DTNA: variants seen among roughly 807,000 people sequenced by gnomAD.
DTNA encodes dystrobrevin alpha.
DTNA carries 43 observed loss-of-function variants against 100.7 expected under a neutral mutation model. The observed-to-expected ratio is 0.43, with a 90% CI of 0.33 to 0.55. The LOEUF is 0.55. DTNA is among the 20% of genes least tolerant of loss of function. The probability of loss-of-function intolerance (pLI) is 0.04; values close to 1 mark genes in which losing one functional copy is unlikely to be tolerated. For synonymous variants in DTNA, 349 were observed against 347.9 expected (o/e 1.00, Z -0.04); for missense variants, 798 against 953.9 (o/e 0.84, Z 2.15).
intron 1 of DTNA, among the ~76,000 whole-genome samples, chr18:34,514,990 T>C (rs1172966718): frequency 6.6e-6 from 1 of 151,998 alleles, no homozygotes; most frequent in Non-Finnish European, 1.5e-5. Context: ...AGTGTGGGTG[T>C]TGGGAGGGTA....
intron 1 of DTNA, among the ~76,000 whole-genome samples, chr18:34,736,269 G>A (rs1006573793): frequency 7.9e-5 from 12 of 152,218 alleles, no homozygotes; most frequent in South Asian, 4.1e-4. Context: ...ATATGTATGC[G>A]TGCACTATTT....
chr18:34,772,690 C>T (rs1357634003), intron 3 of DTNA, among the ~76,000 whole-genome samples: 2 of 152,156 alleles, frequency 1.3e-5, no homozygotes, highest in Non-Finnish European at 2.9e-5. Flanking sequence ...TTTTTAGCTG[C>T]CACTATGAAT....
chr18:34,792,075 G>A (rs1011441487), intron 3 of DTNA, among the ~76,000 whole-genome samples: 3 of 133,540 alleles, frequency 2.2e-5, no homozygotes, highest in Non-Finnish European at 4.7e-5. Context: ...ACACAGTAAC[G>A]GTTCTATGTA....
At chr18:34,614,204 A>G (rs768724186) in intron 1 of DTNA, among the ~76,000 whole-genome samples, 1 of 152,190 alleles carries the variant, frequency 6.6e-6, no homozygotes, top group Non-Finnish European at 1.5e-5. Context: ...TAAGCCCACT[A>G]TTGAGACTTA....
intron 1 of DTNA, among the ~76,000 whole-genome samples, chr18:34,690,982 G>A (rs1015195717): frequency 2.6e-5 from 4 of 152,154 alleles, no homozygotes; most frequent in South Asian, 4.1e-4. Flanking sequence ...TAACCTGCCC[G>A]AGGTTAAGTA....
At chr18:34,709,417 T>TG (rs1190608720), upstream of DTNA, 1 of 152,150 alleles carries the variant, frequency 6.6e-6, no homozygotes, top group African/African-American at 2.4e-5. Context: ...TAATGTACCA[T>TG]GGTGGGAGGA....
intron 1 of DTNA, among the ~76,000 whole-genome samples, chr18:34,501,763 T>C (rs1213048593): frequency 6.6e-6 from 1 of 152,142 alleles, no homozygotes; most frequent in Non-Finnish European, 1.5e-5. Flanking sequence ...GGAGTTGGCA[T>C]ATTTGGTTTC....
intron 1 of DTNA, among the ~76,000 whole-genome samples, chr18:34,659,608 G>A (rs928352447): frequency 2.0e-4 from 30 of 149,516 alleles, no homozygotes; most frequent in Middle Eastern, 3.4e-3. Flanking sequence ...ATTCTAACAC[G>A]TACACATACA....
chr18:34,681,153 TTCA>T (rs756887101), intron 1 of DTNA, among the ~76,000 whole-genome samples: 4 of 152,184 alleles, frequency 2.6e-5, no homozygotes, highest in Non-Finnish European at 4.4e-5. Flanking sequence ...TGTATTAAAG[TTCA>T]TCATTTTAAA....
intron 1 of DTNA, among the ~76,000 whole-genome samples, chr18:34,615,952 A>G (rs1321951776): frequency 6.6e-6 from 1 of 152,152 alleles, no homozygotes; most frequent in Non-Finnish European, 1.5e-5. Context: ...TATTCCATAG[A>G]GTATATGTTC....
chr18:34,517,460 C>CGT (rs1199695756), intron 1 of DTNA, among the ~76,000 whole-genome samples: 1,688 of 148,964 alleles, frequency 0.011, 26 homozygotes, highest in African/African-American at 0.028. Flanking sequence ...TTTATATACA[C>CGT]GTGTGTGTGT....
At chr18:34,522,583 G>A (rs919317240) in intron 1 of DTNA, among the ~76,000 whole-genome samples, 1 of 152,150 alleles carries the variant, frequency 6.6e-6, no homozygotes, top group African/African-American at 2.4e-5. Context: ...TTTTGCATGT[G>A]TTCTATGTTA....
intron 1 of DTNA, among the ~76,000 whole-genome samples, chr18:34,738,931 G>T (rs1363358118): frequency 6.6e-6 from 1 of 152,132 alleles, no homozygotes; most frequent in Admixed American, 6.5e-5. Flanking sequence ...TTTTATTTTA[G>T]ATTCAGAGGG....
intron 1 of DTNA, chr18:34,573,858 C>A (rs999768287): frequency 2.0e-5 from 3 of 152,228 alleles, no homozygotes; most frequent in African/African-American, 7.2e-5. Flanking sequence ...CCATCCAGCC[C>A]CTAATAACTA....
intron 1 of DTNA, among the ~76,000 whole-genome samples, chr18:34,638,568 A>C (rs2730121): frequency 0.17 from 25,779 of 152,202 alleles, 2,905 homozygotes; most frequent in African/African-American, 0.32. Context: ...ACTCTAGCTC[A>C]CTTCATTATG....
chr18:34,560,054 C>T (rs1309367050), intron 1 of DTNA, among the ~76,000 whole-genome samples: 4 of 152,120 alleles, frequency 2.6e-5, no homozygotes, highest in East Asian at 1.9e-4. Context: ...ATTTGAAATG[C>T]CTTCCTTTCC....
At chr18:34,510,240 T>C (rs1380986075) in intron 1 of DTNA, among the ~76,000 whole-genome samples, 1 of 151,818 alleles carries the variant, frequency 6.6e-6, no homozygotes, top group Non-Finnish European at 1.5e-5. Flanking sequence ...GCCAATTAGA[T>C]TTTTTTTCCT....
intron 1 of DTNA, among the ~76,000 whole-genome samples, chr18:34,611,962 A>G (rs1258972964): frequency 6.6e-6 from 1 of 152,212 alleles, no homozygotes; most frequent in African/African-American, 2.4e-5. Flanking sequence ...CACGGGGCTC[A>G]TTGATGGCTG....
chr18:34,594,381 T>C (rs2050164999), intron 1 of DTNA, among the ~76,000 whole-genome samples: 1 of 152,222 alleles, frequency 6.6e-6, no homozygotes, highest in Non-Finnish European at 1.5e-5. Flanking sequence ...GAGACAGCTC[T>C]TCCAAACTTG....
Sources: allele counts gnomAD v4.1 joint callset (sites outside exome capture counted in the v4.1 genomes callset), GRCh38; gene constraint gnomAD v4.1.1; transcripts MANE v1.5; gene names NCBI Gene and HGNC (gene_info 2026-07-23, HGNC 2026-07-21).